SUGCT: variants seen among roughly 807,000 people sequenced by gnomAD.
SUGCT encodes succinyl-CoA:glutarate-CoA transferase.
Under a neutral mutation model 55.0 loss-of-function variants are expected in SUGCT, and 41 were observed. The observed-to-expected ratio is 0.74, with a 90% CI of 0.58 to 0.97. The LOEUF is 0.97. SUGCT is among the 50% of genes least tolerant of loss of function. The pLI is 0.00. For synonymous variants in SUGCT, 187 were observed against 200.4 expected (o/e 0.93, Z 0.56); for missense variants, 568 against 547.8 (o/e 1.04, Z -0.37).
downstream of SUGCT, among the ~76,000 whole-genome samples, chr7:40,864,005 A>G (rs2128811365): frequency 6.6e-6 from 1 of 152,324 alleles, no homozygotes; most frequent in African/African-American, 2.4e-5. Context: ...ATTGCAGTCT[A>G]AAAGTTTTCT....
At chr7:40,363,733 C>G (rs1484201090) in intron 9 of SUGCT, among the ~76,000 whole-genome samples, 5 of 151,958 alleles carry the variant, frequency 3.3e-5, no homozygotes, top group South Asian at 4.2e-4. Flanking sequence ...TTACTTCCAA[C>G]TATGTGGTCA....
chr7:40,291,683 A>ATG (rs1368994438), intron 8 of SUGCT, among the ~76,000 whole-genome samples: 4 of 151,630 alleles, frequency 2.6e-5, no homozygotes, highest in Non-Finnish European at 4.4e-5. Flanking sequence ...ATATATATAT[A>ATG]GTAATAAAAG....
the SUGCT span, among the ~76,000 whole-genome samples, chr7:41,037,666 T>C: frequency 4.0e-5 from 6 of 151,818 alleles, no homozygotes; most frequent in African/African-American, 1.5e-4. Context: ...CCTTGGCAAA[T>C]GTCTAGATAG....
At chr7:40,693,504 A>G (rs1008375697) in intron 12 of SUGCT, among the ~76,000 whole-genome samples, 1 of 152,226 alleles carries the variant, frequency 6.6e-6, no homozygotes, top group Non-Finnish European at 1.5e-5. Context: ...CAGAGAGGTT[A>G]AGTAAGTTTC....
chr7:40,405,771 C>G lies in SUGCT; in HGVS notation c.817-43516C>G, dbSNP rs574931380. 2.9e-5 allele frequency among the ~76,000 whole-genome samples: 4 copies of G among 136,694 alleles called. No individual in the cohort carries two copies. In the South Asian group the frequency reaches 6.9e-4, roughly 24 times the overall value. The allele number at this position is 136,694 out of a possible 152,430, so 89.7% of individuals were successfully genotyped here. A position where few individuals can be genotyped will look rare whatever the true frequency, so the allele number is the denominator to read the frequency against. ...GTTGCAGTGAGCGGAGATAGCGCCACTGTACTCTACCTTGGGTGACAGAGC... is the reference window on the plus strand; with the variant it reads ...GTTGCAGTGAGCGGAGATAGCGCCAGTGTACTCTACCTTGGGTGACAGAGC... On this transcript the variant is annotated intron_variant, in intron 9 of 13. Coordinates refer to ENST00000335693, the MANE Select transcript of SUGCT (RefSeq NM_001193313.2).
rs568499194 is a variant in SUGCT at position 40,589,947 on chromosome 7, C to T, written c.1089+93561C>T. Among the ~76,000 whole-genome samples the T allele has an allele frequency of 2.6e-5, 4 of 152,236 alleles. 1 individual carries two copies. The highest frequency in any genetic ancestry group is 1.3e-4 in the Admixed American group (2 of 15,280). ...GTGTGCAGATATTGCTTTTTTAACA[C>T]ATTGAAGTTTTGTGGCAGCCTTGTG... On this transcript the variant is annotated intron_variant, in intron 12 of 13. Coordinates refer to ENST00000335693, the MANE Select transcript of SUGCT (RefSeq NM_001193313.2).
chr7:40,425,639 A>C (rs959585904), intron 9 of SUGCT, among the ~76,000 whole-genome samples: 2 of 152,122 alleles, frequency 1.3e-5, no homozygotes, highest in African/African-American at 4.8e-5. Context: ...GCTGAAAGGA[A>C]AGATTGGTGG....
At chr7:40,777,498 C>T (rs1411346607) in intron 13 of SUGCT, among the ~76,000 whole-genome samples, 3 of 151,412 alleles carry the variant, frequency 2.0e-5, no homozygotes, top group Non-Finnish European at 4.4e-5. Context: ...ATCTTTTAAT[C>T]TGAATGTTGT....
At chr7:40,746,083 G>A (rs537009146) in intron 12 of SUGCT, among the ~76,000 whole-genome samples, 37 of 152,142 alleles carry the variant, frequency 2.4e-4, no homozygotes, top group Non-Finnish European at 4.4e-4. Context: ...GAAGTTTAGA[G>A]GGGACAAATT....
chr7:40,655,982 C>T (rs1465942187), intron 12 of SUGCT, among the ~76,000 whole-genome samples: 1 of 151,974 alleles, frequency 6.6e-6, no homozygotes, highest in Non-Finnish European at 1.5e-5. Flanking sequence ...AAGGAAGGAG[C>T]CGAGAGGGGC....
At chr7:40,716,355 C>A (rs766771622) in intron 12 of SUGCT, among the ~76,000 whole-genome samples, 1 of 152,140 alleles carries the variant, frequency 6.6e-6, no homozygotes, top group Non-Finnish European at 1.5e-5. Context: ...AGTCAGGGAG[C>A]CCAAATGGCT....
chr7:40,919,086 C>T, the SUGCT span, among the ~76,000 whole-genome samples: 1 of 152,188 alleles, frequency 6.6e-6, no homozygotes, highest in Non-Finnish European at 1.5e-5. Context: ...TATCTTTCCT[C>T]TCTACTCATT....
chr7:40,171,223 T>C (rs540433299), intron 1 of SUGCT, among the ~76,000 whole-genome samples: 19 of 152,352 alleles, frequency 1.2e-4, no homozygotes, highest in African/African-American at 4.6e-4. Flanking sequence ...GTTTATCCTA[T>C]GTGCCTTTTT....
intron 9 of SUGCT, among the ~76,000 whole-genome samples, chr7:40,446,780 A>G (rs947951301): frequency 4.6e-5 from 7 of 152,116 alleles, no homozygotes; most frequent in African/African-American, 1.4e-4. Context: ...GACCAATACA[A>G]TCTCCCAGTT....
chr7:40,951,576 C>G, the SUGCT span, among the ~76,000 whole-genome samples: 137 of 152,094 alleles, frequency 9.0e-4, no homozygotes, highest in African/African-American at 3.0e-3. Flanking sequence ...TTCCTGCTTT[C>G]TCTTGTGGGC....
At chr7:40,351,687 C>A (rs1335204597) in intron 9 of SUGCT, among the ~76,000 whole-genome samples, 2 of 152,184 alleles carry the variant, frequency 1.3e-5, no homozygotes, top group Non-Finnish European at 1.5e-5. Flanking sequence ...CAATGACTAG[C>A]TGACATCACA....
At chr7:40,550,702 C>T (rs1795250771) in intron 12 of SUGCT, among the ~76,000 whole-genome samples, 1 of 152,168 alleles carries the variant, frequency 6.6e-6, no homozygotes, top group African/African-American at 2.4e-5. Flanking sequence ...GAATATACTT[C>T]CCTTTGTCCA....
intron 1 of SUGCT, among the ~76,000 whole-genome samples, chr7:40,156,574 C>A (rs1160919007): frequency 6.6e-6 from 1 of 152,130 alleles, no homozygotes; most frequent in African/African-American, 2.4e-5. Context: ...GAGCCCTGCT[C>A]ACTCTGTACT....
intron 13 of SUGCT, among the ~76,000 whole-genome samples, chr7:40,842,483 A>G (rs1285983519): frequency 1.3e-5 from 2 of 152,202 alleles, no homozygotes; most frequent in African/African-American, 2.4e-5. Context: ...TAAATTTGGT[A>G]TCATACCAAC....
Sources: gnomAD v4.1 joint callset for allele counts (sites outside exome capture counted in the v4.1 genomes callset) on GRCh38, gnomAD v4.1.1 for gene constraint, MANE v1.5 for transcripts, NCBI Gene and HGNC (gene_info 2026-07-23, HGNC 2026-07-21) for gene names.